Variants in CROCC2 observed in about 807,000 individuals in gnomAD.
CROCC2 encodes ciliary rootlet coiled-coil, rootletin family member 2.
A neutral mutation model predicts 177.6 loss-of-function variants in CROCC2; 163 were observed. That is an observed-to-expected ratio of 0.92 (90% CI 0.81 to 1.05). The LOEUF (loss-of-function observed/expected upper bound fraction) is 1.05, where lower values mean the gene tolerates loss of function less well. Among genes scored for constraint, CROCC2 ranks in the 50% least tolerant of loss-of-function variants. CROCC2 has a pLI of 0.00. For synonymous variants in CROCC2, 904 were observed against 787.3 expected, an observed-to-expected ratio of 1.15 and a Z score of -2.48; for missense variants, 1,929 against 1,797.8, an observed-to-expected ratio of 1.07 and a Z score of -1.32.
At chr2:240,919,958 C>G (rs1025800605) in intron 2 of CROCC2, 25 bp from the exon 3 acceptor site, 4 of 715,334 alleles carry the variant, frequency 5.6e-6, no homozygotes, top group Non-Finnish European at 1.0e-5. Flanking sequence ...GTCTGGCCAC[C>G]CAGGCTGACC....
At chr2:240,963,450 C>T in intron 20 of CROCC2, 106 bp from the exon 21 acceptor site, 1 of 1,213,318 alleles carries the variant, frequency 8.2e-7, no homozygotes. Flanking sequence ...CCAAGTTGGG[C>T]AGGGCACCTG....
chr2:240,968,045 C>T (rs908452925), intron 26 of CROCC2, 84 bp from the exon 27 acceptor site: 192 of 1,304,382 alleles, frequency 1.5e-4, no homozygotes, highest in Non-Finnish European at 5.9e-6. Flanking sequence ...GAGCCAGTCA[C>T]TCAAGTCCAC....
intron 28 of CROCC2, chr2:240,983,234 G>T: frequency 1.2e-6 from 1 of 858,498 alleles, no homozygotes. Flanking sequence ...GAGCCTGGAG[G>T]GGCCCACAGG....
Position 240,906,460 on chromosome 2 carries a change from A to T in CROCC2, c.-54A>T, listed in dbSNP as rs761611544. The T allele has an allele frequency of 5.3e-5, 21 of 398,798 alleles. No homozygotes were observed. Among genetic ancestry groups the T allele is most frequent in the Non-Finnish European group, 8.4e-5 (19 of 226,036 alleles). The allele number at this position is 398,798 out of a possible 1,614,324, so 24.7% of individuals were successfully genotyped here. ...GGAAGACCCTGGCCAGTTGGAGGAG[A>T]ACTGCCAGGTAGCAAAGCCCAGACT... On this transcript the variant is annotated 5_prime_UTR_variant, in exon 1 of 32. Coordinates refer to ENST00000690015, the MANE Select transcript of CROCC2 (RefSeq NM_001351305.2).
intron 5 of CROCC2, among the ~76,000 whole-genome samples, chr2:240,929,238 T>C (rs904051602): frequency 1.3e-5 from 2 of 152,082 alleles, no homozygotes; most frequent in East Asian, 1.9e-4. Context: ...TTTCCGCTGG[T>C]TTCTGGTCAT....
intron 1 of CROCC2, among the ~76,000 whole-genome samples, chr2:240,916,455 C>T (rs992745985): frequency 1.3e-5 from 1 of 78,452 alleles, no homozygotes; most frequent in African/African-American, 5.2e-5. Context: ...CCCCGCCCCC[C>T]CCATGCGCTC....
intron 5 of CROCC2, chr2:240,929,603 G>A (rs1423944695): frequency 2.2e-6 from 1 of 451,194 alleles, no homozygotes; most frequent in East Asian, 7.0e-5. Flanking sequence ...GCTGAACTGG[G>A]TACCCAGTGC....
At position 240,949,718 on chromosome 2, in the gene CROCC2, G is replaced by T; in HGVS notation, c.2652+16G>T. On this transcript the variant is annotated intron_variant, in intron 17 of 31. Transcript: ENST00000690015. This position sits in a 1 kb window ranked among gnomAD's most constrained non-coding sequence, Gnocchi z 4.5. ...AAGGGAGAAGGTCTGCTTCCCAGGA[G>T]CCCACCAGTAGCTTCCTAGAAGGCT... The T allele has an allele frequency of 6.5e-7, 1 of 1,530,746 alleles. No individual in the cohort carries two copies. Among genetic ancestry groups the T allele is most frequent in the African/African-American group, 1.4e-5 (1 of 72,478 alleles). 94.8% of individuals were successfully genotyped at this position (1,530,746 alleles called of 1,614,324 possible).
chr2:240,971,639 AC>A (rs1292184857), intron 27 of CROCC2, among the ~76,000 whole-genome samples: 1 of 151,670 alleles, frequency 6.6e-6, no homozygotes, highest in Admixed American at 6.6e-5. Context: ...ATTTTTACCT[AC>A]CCCGGCAAAC....
At position 240,933,751 on chromosome 2, in the gene CROCC2, G is replaced by A. The variant is rs1181996625; in HGVS notation, c.1545G>A (p.Glu515=). 2 of 1,549,986 alleles carry A rather than the reference G, an allele frequency of 1.3e-6. No individual in the cohort carries two copies. Among genetic ancestry groups the A allele is most frequent in the East Asian group, 2.4e-5 (1 of 40,920 alleles). The change falls in exon 11 of 32, where the codon GAG becomes GAA. Residue 515 remains glutamate (E), a synonymous_variant. Coordinates refer to ENST00000690015, the MANE Select transcript of CROCC2 (RefSeq NM_001351305.2). ...DAADAEKQGL[E]AEAAELQRSL... ...CAGATGCGGAGAAGCAGGGGCTGGAGGCCGAGGCTGCAGAGCTGCAGAGAA... is the reference window on the plus strand; with the variant it reads ...CAGATGCGGAGAAGCAGGGGCTGGAAGCCGAGGCTGCAGAGCTGCAGAGAA...
At position 240,989,783 on chromosome 2, in the gene CROCC2, G is replaced by C; in HGVS notation, c.4813G>C (p.Glu1605Gln). The C allele has an allele frequency of 6.5e-7, 1 of 1,549,982 alleles. No individual in the cohort carries two copies. Reference protein sequence around the residue: ...GARPQATQALESQEWTHQQQV... With the variant: ...GARPQATQALQSQEWTHQQQV... ...CCGGCCGCAGGCCACGCAGGCCCTGGAGTCCCAAGAATGGACCCACCAGCA... is the reference window on the plus strand; with the variant it reads ...CCGGCCGCAGGCCACGCAGGCCCTGCAGTCCCAAGAATGGACCCACCAGCA... Residue 1605 changes from glutamate (E) to glutamine (Q), a missense_variant, in exon 30 of 32, where the codon GAG becomes CAG. Transcript: ENST00000690015.
Position 240,960,988 on chromosome 2 carries a change from C to A in CROCC2, c.3087+1544C>A, listed in dbSNP as rs970534297. Among the ~76,000 whole-genome samples the A allele has an allele frequency of 1.3e-5, 2 of 151,550 alleles. No individual in the cohort carries two copies. The highest frequency in any genetic ancestry group is 4.9e-5 in the African/African-American group (2 of 41,184). On this transcript the variant is annotated intron_variant, in intron 20 of 31. Transcript: ENST00000690015. The surrounding 1 kb of genome is among the most constrained non-coding windows in gnomAD (Gnocchi z 5.0). ...TCTGCTGGCCTCAAGGAAGGGAGTG[C>A]AGGCCTCATGGGAAGGTCAGGCTCT... is the stretch of plus-strand genomic sequence containing the variant.
chr2:240,914,222 G>A (rs1240919517), intron 1 of CROCC2, among the ~76,000 whole-genome samples: 48 of 152,210 alleles, frequency 3.2e-4, no homozygotes, highest in Non-Finnish European at 1.5e-5. Context: ...GGGGCCCAAG[G>A]CTGGGGTCCC....
At chr2:240,954,188 C>T (rs2059575163) in intron 18 of CROCC2, among the ~76,000 whole-genome samples, 1 of 152,346 alleles carries the variant, frequency 6.6e-6, no homozygotes, top group East Asian at 1.9e-4. Flanking sequence ...CCCTCCCCTT[C>T]ACTAGGCCAC....
At chr2:240,925,501 G>A (rs941768785) in intron 4 of CROCC2, among the ~76,000 whole-genome samples, 20 of 152,216 alleles carry the variant, frequency 1.3e-4, no homozygotes, top group African/African-American at 4.6e-4. Context: ...GAGGGCACTG[G>A]GCTGGCACCT....
intron 1 of CROCC2, among the ~76,000 whole-genome samples, chr2:240,909,300 CCTCTACCTCCTCCACCTGGGGTGAG>C (rs1559585679): frequency 2.3e-3 from 228 of 101,202 alleles, no homozygotes; most frequent in African/African-American, 9.8e-3. Flanking sequence ...CCTCGGGTGA[CCTCTACCTCCTCCACCTGGGGTGAG>C]CTCTACCTCC....
intron 19 of CROCC2, chr2:240,957,394 A>G (rs768765098): frequency 3.3e-5 from 5 of 152,380 alleles, no homozygotes; most frequent in Admixed American, 1.3e-4. Flanking sequence ...TTCAGTGTGC[A>G]GTGAACAGAA....
chr2:240,991,974 C>T (rs79929413), intron 31 of CROCC2, among the ~76,000 whole-genome samples: 5,086 of 152,322 alleles, frequency 0.033, 112 homozygotes, highest in Middle Eastern at 0.051. Flanking sequence ...GACTCAGATT[C>T]AAGTCCCCGT....
chr2:240,931,048 G>T lies in CROCC2; in HGVS notation c.867G>T (p.Gly289=), dbSNP rs1331627521. 1.4e-6 allele frequency: 1 copy of T among 716,590 alleles called. No homozygotes were observed. Among genetic ancestry groups the T allele is most frequent in the Non-Finnish European group, 2.6e-6 (1 of 384,808 alleles). The allele number at this position is 716,590 out of a possible 1,614,324, so 44.4% of individuals were successfully genotyped here. Residue 289 remains glycine, a synonymous_variant, in exon 7 of 32, where the codon GGG becomes GGT. Coordinates refer to ENST00000690015, the MANE Select transcript of CROCC2 (RefSeq NM_001351305.2). Reference sequence around the variant, plus strand: ...CCAGCAGCACGGCCAGCACCCTGGGGCAGCAGCTTCGGGACAAGGCTGGGG... The same window carrying T: ...CCAGCAGCACGGCCAGCACCCTGGGTCAGCAGCTTCGGGACAAGGCTGGGG... The part of the protein sequence containing the change: ...LSASSTASTL[G]QQLRDKAGEM...
Sources: gnomAD v4.1 joint callset for allele counts (sites outside exome capture counted in the v4.1 genomes callset) on GRCh38, gnomAD v4.1.1 for gene constraint, Gnocchi (gnomAD v3.1) non-coding constraint, MANE v1.5 for transcripts, NCBI Gene and HGNC (gene_info 2026-07-23, HGNC 2026-07-21) for gene names.